The following PLCG2 variants were observed in gnomAD, a reference collection of about 807,000 sequenced individuals.
PLCG2 encodes 1-phosphatidylinositol 4,5-bisphosphate phosphodiesterase gamma-2.
A neutral mutation model predicts 175.6 loss-of-function variants in PLCG2; 69 were observed. The observed-to-expected ratio is 0.39, with a 90% CI of 0.32 to 0.48. The LOEUF (loss-of-function observed/expected upper bound fraction) is 0.48, where lower values mean the gene tolerates loss of function less well. PLCG2 is among the 20% of genes least tolerant of loss of function. The pLI, the probability that PLCG2 is intolerant of heterozygous loss-of-function variation, is 0.91. For synonymous variants in PLCG2, 827 were observed against 624.0 expected, an observed-to-expected ratio of 1.33 and a Z score of -4.85; for missense variants, 1,798 against 1,650.9, an observed-to-expected ratio of 1.09 and a Z score of -1.54.
At chr16:81,857,771 A>G (rs1567501502) in intron 3 of PLCG2, among the ~76,000 whole-genome samples, 2 of 152,196 alleles carry the variant, frequency 1.3e-5, no homozygotes, top group Admixed American at 6.5e-5. Flanking sequence ...AAGGAATGCA[A>G]ATATTCAGTC....
intron 25 of PLCG2, among the ~76,000 whole-genome samples, chr16:81,933,876 G>A (rs1244424205): frequency 6.6e-6 from 1 of 152,216 alleles, no homozygotes; most frequent in Non-Finnish European, 1.5e-5. Context: ...AGATTTGATG[G>A]TGGGTCTTCT....
chr16:81,859,750 A>C (rs774022669), intron 5 of PLCG2, among the ~76,000 whole-genome samples: 7 of 152,022 alleles, frequency 4.6e-5, no homozygotes. Flanking sequence ...GTTCGGCAGG[A>C]TGGTCTTGAA....
intron 2 of PLCG2, among the ~76,000 whole-genome samples, chr16:81,760,760 T>TAAAA (rs55942382): frequency 0.014 from 1,915 of 139,578 alleles, 53 homozygotes; most frequent in South Asian, 0.087. Context: ...AAAAAAAAAA[T>TAAAA]AATAATAATA....
intron 29 of PLCG2, among the ~76,000 whole-genome samples, chr16:81,939,616 C>T (rs1195382870): frequency 1.3e-5 from 2 of 152,152 alleles, no homozygotes; most frequent in Non-Finnish European, 2.9e-5. Flanking sequence ...ACAAACACCT[C>T]CCCCGTTCCC....
intron 2 of PLCG2, among the ~76,000 whole-genome samples, chr16:81,769,359 G>A (rs907764516): frequency 6.6e-6 from 1 of 152,232 alleles, no homozygotes. Flanking sequence ...GAGGGTGCAA[G>A]AGAATGATAG....
At chr16:81,949,452 C>G (rs1433776855) in intron 31 of PLCG2, among the ~76,000 whole-genome samples, 2 of 152,112 alleles carry the variant, frequency 1.3e-5, no homozygotes, top group Non-Finnish European at 2.9e-5. Flanking sequence ...GTGCTGAAAA[C>G]TAAAAGACTC....
intron 2 of PLCG2, among the ~76,000 whole-genome samples, chr16:81,770,677 G>T (rs934357056): frequency 6.6e-6 from 1 of 152,028 alleles, no homozygotes; most frequent in Non-Finnish European, 1.5e-5. Context: ...CTGAGATTGC[G>T]CCACTGCCCT....
At chr16:81,751,011 A>C (rs1597302526) in intron 1 of PLCG2, among the ~76,000 whole-genome samples, 8 of 88,360 alleles carry the variant, frequency 9.1e-5, no homozygotes, top group Admixed American at 3.5e-4. Context: ...ACAGAGTTTC[A>C]CTCTTGTTGT....
intron 2 of PLCG2, among the ~76,000 whole-genome samples, chr16:81,789,188 T>A (rs1911115152): frequency 6.6e-6 from 1 of 152,242 alleles, no homozygotes; most frequent in Non-Finnish European, 1.5e-5. Context: ...CTTCTGAAGC[T>A]CATTGTGATG....
chr16:81,934,595 G>C (rs1567539664), intron 26 of PLCG2, 64 bp downstream of exon 26: 3 of 955,342 alleles, frequency 3.1e-6, no homozygotes, highest in Non-Finnish European at 5.0e-6. Context: ...TTTAGAGTCT[G>C]ATATTTTCAG....
At chr16:81,756,563 A>C (rs569251548) in intron 2 of PLCG2, among the ~76,000 whole-genome samples, 1 of 152,270 alleles carries the variant, frequency 6.6e-6, no homozygotes, top group South Asian at 2.1e-4. Flanking sequence ...ACCACACCAT[A>C]CAGTGTCTCA....
At chr16:81,844,808 G>A (rs1469041089) in intron 2 of PLCG2, among the ~76,000 whole-genome samples, 2 of 152,274 alleles carry the variant, frequency 1.3e-5, no homozygotes, top group Admixed American at 1.3e-4. Context: ...CCATGTATGT[G>A]TGTACACACA....
intron 5 of PLCG2, 92 bp from the exon 6 acceptor site, chr16:81,869,122 G>T: frequency 1.1e-6 from 1 of 870,078 alleles, no homozygotes; most frequent in Non-Finnish European, 1.9e-6. Flanking sequence ...CTCTCATAGA[G>T]GGCTGCCTGA....
chr16:81,874,038 A>T (rs1907649269), intron 7 of PLCG2, among the ~76,000 whole-genome samples: 1 of 152,214 alleles, frequency 6.6e-6, no homozygotes, highest in African/African-American at 2.4e-5. Flanking sequence ...TATGGCAAAG[A>T]TTCTGCCGAT....
At chr16:81,933,355 G>A (rs776117791) in intron 25 of PLCG2, among the ~76,000 whole-genome samples, 10 of 152,304 alleles carry the variant, frequency 6.6e-5, no homozygotes, top group East Asian at 1.9e-4. Flanking sequence ...GGAAACCAGC[G>A]GCGGATAAAC....
At chr16:81,763,955 ACT>A (rs1361035005) in intron 2 of PLCG2, among the ~76,000 whole-genome samples, 1 of 151,570 alleles carries the variant, frequency 6.6e-6, no homozygotes, top group Non-Finnish European at 1.5e-5. Context: ...CGACAGAGAG[ACT>A]CTGTCTCAAA....
intron 1 of PLCG2, among the ~76,000 whole-genome samples, chr16:81,780,251 G>A (rs778203809): frequency 6.6e-6 from 1 of 152,200 alleles, no homozygotes; most frequent in African/African-American, 2.4e-5. Context: ...CCCTGGGCAA[G>A]TTGAAGAACC....
chr16:81,764,035 G>A (rs1432366529), intron 2 of PLCG2, among the ~76,000 whole-genome samples: 4 of 152,044 alleles, frequency 2.6e-5, no homozygotes, highest in African/African-American at 9.7e-5. Context: ...GTTCAAGCCT[G>A]TAATCCCAGC....
intron 2 of PLCG2, among the ~76,000 whole-genome samples, chr16:81,811,372 G>T (rs984570129): frequency 6.6e-6 from 1 of 152,134 alleles, no homozygotes. Context: ...TGCACGTCGG[G>T]GTTCAGGACT....
Sources: allele counts gnomAD v4.1 joint callset (sites outside exome capture counted in the v4.1 genomes callset), GRCh38; gene constraint gnomAD v4.1.1; transcripts MANE v1.5; gene names NCBI Gene and HGNC (gene_info 2026-07-23, HGNC 2026-07-21).